Variants in RNF216 observed in about 807,000 individuals in gnomAD.
RNF216 encodes ring finger protein 216, also known as E3 ubiquitin-protein ligase RNF216.
Under a neutral mutation model 110.8 loss-of-function variants are expected in RNF216, and 72 were observed. That is an observed-to-expected ratio of 0.65 (90% CI 0.54 to 0.79). The LOEUF is 0.79. Among genes scored for constraint, RNF216 ranks in the 30% least tolerant of loss-of-function variants. RNF216 has a pLI of 0.00. For missense variants in RNF216, 1,342 were observed against 1,141.2 expected, an observed-to-expected ratio of 1.18 and a Z score of -2.54; for synonymous variants, 495 against 407.5, an observed-to-expected ratio of 1.21 and a Z score of -2.59.
At chr7:5,743,698 G>C (rs1213677525) in intron 3 of RNF216, among the ~76,000 whole-genome samples, 1 of 152,162 alleles carries the variant, frequency 6.6e-6, no homozygotes, top group Non-Finnish European at 1.5e-5. Flanking sequence ...AAAAGACCTG[G>C]AAGGATACAT....
At chr7:5,778,812 C>G (rs1796918016) in intron 1 of RNF216, among the ~76,000 whole-genome samples, 1 of 152,212 alleles carries the variant, frequency 6.6e-6, no homozygotes, top group Non-Finnish European at 1.5e-5. Flanking sequence ...GGCACAATCT[C>G]GGATCACTGC....
rs565441684 is a variant in RNF216 at position 5,746,147 on chromosome 7, CG to C, written c.202-4333del. Among the ~76,000 whole-genome samples the C allele has an allele frequency of 2.6e-3, 393 of 152,268 alleles. 2 individuals are homozygous for C. The highest frequency in any genetic ancestry group is 4.4e-3 in the Non-Finnish European group (302 of 68,022). On this transcript the variant is annotated intron_variant, in intron 3 of 16. Transcript: ENST00000389902. ...GTTTTCCTCATGGAGCTGCAAGTGT[CG>C]GAAGTCCTTCTCAGGTCTGAGCTCT...
intron 7 of RNF216, among the ~76,000 whole-genome samples, chr7:5,729,101 G>A (rs895973473): frequency 4.6e-5 from 7 of 152,176 alleles, no homozygotes; most frequent in African/African-American, 1.7e-4. Flanking sequence ...CCTGGGGGAT[G>A]GATGGTCGTG....
chr7:5,715,116 A>G lies in RNF216; in HGVS notation c.1770T>C (p.Ala590=), dbSNP rs994714620. ...TGAGACACTCTTTGCAGAACAAGTG[A>G]GCATCTGCGCACTGCGTCAGCTCCT... The part of the protein sequence containing the change: ...PFEELTQCAD[A]HLFCKECLIR... Residue 590 remains alanine, a synonymous_variant, in exon 11 of 17, where the codon GCT becomes GCC. Transcript: ENST00000389902. 6.2e-7 allele frequency: 1 copy of G among 1,613,840 alleles called. No individual in the cohort carries two copies. Among genetic ancestry groups the G allele is most frequent in the Non-Finnish European group, 8.5e-7 (1 of 1,179,860 alleles).
intron 1 of RNF216, among the ~76,000 whole-genome samples, chr7:5,776,862 C>A (rs1796808132): frequency 7.9e-6 from 1 of 125,884 alleles, no homozygotes; most frequent in Non-Finnish European, 1.6e-5. Context: ...TATTGTGCCA[C>A]TGCACTCCAG....
At chr7:5,669,869 G>A (rs1789785140) in intron 13 of RNF216, among the ~76,000 whole-genome samples, 1 of 151,852 alleles carries the variant, frequency 6.6e-6, no homozygotes, top group South Asian at 2.1e-4. Context: ...TCCAGCCTGG[G>A]CAAGACTCCA....
At chr7:5,721,229 G>C (rs2302907) in intron 8 of RNF216, 57 bp from the exon 9 acceptor site, 880 of 1,529,092 alleles carry the variant, frequency 5.8e-4, no homozygotes, top group Admixed American at 4.2e-3. Context: ...AGGAACCTGG[G>C]CCAGCCATGT....
intron 3 of RNF216, among the ~76,000 whole-genome samples, chr7:5,742,452 A>G (rs950505595): frequency 6.6e-6 from 1 of 152,210 alleles, no homozygotes; most frequent in African/African-American, 2.4e-5. Flanking sequence ...TGTTCAAAAA[A>G]CATATAAAAA....
chr7:5,717,888 T>G (rs982444248), intron 9 of RNF216, among the ~76,000 whole-genome samples: 1 of 152,002 alleles, frequency 6.6e-6, no homozygotes, highest in East Asian at 1.9e-4. Context: ...GCTCAAGAGA[T>G]CCTCCCACCT....
chr7:5,623,202 T>C lies in RNF216; in HGVS notation c.2453-23A>G, dbSNP rs760280926. 4 of 1,527,900 alleles carry C rather than the reference T, an allele frequency of 2.6e-6. No individual in the cohort carries two copies. In the Admixed American group the frequency reaches 6.0e-5, roughly 23 times the overall value. The allele number at this position is 1,527,900 out of a possible 1,614,324, so 94.6% of individuals were successfully genotyped here. A position where few individuals can be genotyped will look rare whatever the true frequency, so the allele number is the denominator to read the frequency against. On this transcript the variant is annotated intron_variant, in intron 16 of 16. Transcript: ENST00000389902. ...TCTCTGAAAGGGATGTGGGGATTAG[T>C]GGAGAAAAACATTAAACCAACCTCA... is the stretch of plus-strand genomic sequence containing the variant.
intron 11 of RNF216, among the ~76,000 whole-genome samples, chr7:5,714,411 AC>A (rs1792911836): frequency 6.6e-6 from 1 of 151,956 alleles, no homozygotes; most frequent in African/African-American, 2.4e-5. Context: ...GGCATGCGCC[AC>A]CAGGTCTGGC....
rs536228670 is a variant in RNF216, at chr7:5,744,133, G to A, written c.202-2318C>T. Among the ~76,000 whole-genome samples, 264 of 152,136 alleles carry A rather than the reference G, an allele frequency of 1.7e-3. 4 individuals carry two copies. Among genetic ancestry groups the A allele is most frequent in the African/African-American group, 5.9e-3 (245 of 41,538 alleles). ...AATTCTAAAGTAACAGCATGTTTAG[G>A]GAAATCAAAGACTAGATTGAGAACT... On this transcript the variant is annotated intron_variant, in intron 3 of 16. Transcript: ENST00000389902.
At chr7:5,648,299 G>A (rs1788172033) in intron 14 of RNF216, among the ~76,000 whole-genome samples, 1 of 151,668 alleles carries the variant, frequency 6.6e-6, no homozygotes, top group African/African-American at 2.4e-5. Flanking sequence ...AGAGACAGAG[G>A]TTTCTCCATG....
intron 1 of RNF216, chr7:5,775,278 A>C (rs1273790080): frequency 1.3e-5 from 2 of 152,162 alleles, no homozygotes; most frequent in Admixed American, 6.6e-5. Flanking sequence ...AGAATCGCTC[A>C]CGGTTCTCTC....
At chr7:5,776,944 GAAAAAAAGAAAGAAAGAA>G (rs1003921708) in intron 1 of RNF216, among the ~76,000 whole-genome samples, 7 of 119,030 alleles carry the variant, frequency 5.9e-5, no homozygotes, top group African/African-American at 1.8e-4. Context: ...GAGAGAGAGA[GAAAAAAAGAAAGAAAGAA>G]AGAAAAAGAA....
At chr7:5,634,134 C>CT (rs1044691056) in intron 15 of RNF216, among the ~76,000 whole-genome samples, 12 of 152,332 alleles carry the variant, frequency 7.9e-5, no homozygotes, top group South Asian at 2.1e-4. Flanking sequence ...CCTTTTGAGA[C>CT]TTTTTTTCCA....
At chr7:5,660,728 C>T (rs899434452) in intron 13 of RNF216, among the ~76,000 whole-genome samples, 6 of 152,044 alleles carry the variant, frequency 3.9e-5, no homozygotes, top group African/African-American at 9.7e-5. Flanking sequence ...CAGGTGTGCA[C>T]CACCATGCCT....
At chr7:5,731,940 A>T (rs1352664899) in intron 5 of RNF216, among the ~76,000 whole-genome samples, 1 of 152,072 alleles carries the variant, frequency 6.6e-6, no homozygotes, top group African/African-American at 2.4e-5. Context: ...CCCGCCGGGG[A>T]CCCACGTCAA....
intron 13 of RNF216, among the ~76,000 whole-genome samples, chr7:5,679,528 C>T (rs1790519987): frequency 6.6e-6 from 1 of 152,212 alleles, no homozygotes; most frequent in African/African-American, 2.4e-5. Context: ...GAGTGCTGAC[C>T]AGAGTCCCTT....
Sources: gnomAD v4.1 joint callset for allele counts (sites outside exome capture counted in the v4.1 genomes callset) on GRCh38, gnomAD v4.1.1 for gene constraint, MANE v1.5 for transcripts, NCBI Gene and HGNC (gene_info 2026-07-23, HGNC 2026-07-21) for gene names.